WDR70: variants seen among roughly 807,000 people sequenced by gnomAD.
WDR70 encodes the protein WD repeat-containing protein 70.
A neutral mutation model predicts 88.6 loss-of-function variants in WDR70; 53 were observed. The ratio of observed to expected loss-of-function variants is 0.60; its 90% CI spans 0.48 to 0.75. The LOEUF (loss-of-function observed/expected upper bound fraction) is 0.75. Among genes scored for constraint, WDR70 ranks in the 30% least tolerant of loss-of-function variants. WDR70 has a pLI of 0.00. For synonymous variants in WDR70, 280 were observed against 270.0 expected, an observed-to-expected ratio of 1.04 and a Z score of -0.36; for missense variants, 610 against 823.2, an observed-to-expected ratio of 0.74 and a Z score of 3.17.
intron 10 of WDR70, among the ~76,000 whole-genome samples, chr5:37,633,457 C>T (rs540619604): frequency 9.9e-5 from 15 of 150,928 alleles, no homozygotes; most frequent in East Asian, 3.9e-4. Flanking sequence ...TGAGTTTAAA[C>T]GGCCATAACT....
At chr5:37,510,488 G>A (rs1040377989) in intron 8 of WDR70, among the ~76,000 whole-genome samples, 2 of 152,158 alleles carry the variant, frequency 1.3e-5, no homozygotes, top group Non-Finnish European at 2.9e-5. Context: ...TTAAGAGACA[G>A]GGTCTTGCTT....
chr5:37,523,435 A>G (rs1462464098), intron 9 of WDR70, among the ~76,000 whole-genome samples: 2 of 152,232 alleles, frequency 1.3e-5, no homozygotes, highest in Non-Finnish European at 2.9e-5. Context: ...TGTTAGAGGG[A>G]AAACTAACAA....
intron 8 of WDR70, among the ~76,000 whole-genome samples, chr5:37,516,145 T>C (rs2112256211): frequency 6.6e-6 from 1 of 152,340 alleles, no homozygotes; most frequent in African/African-American, 2.4e-5. Flanking sequence ...TCTCTTCCAT[T>C]GAAGAAAGGA....
rs952637754 is a variant in WDR70, at chr5:37,410,193, G to GTTT, written c.492+13642_492+13644dup. The stretch of plus-strand genomic sequence containing the variant: ...AGTCCACCCAGCTTGGAGTTTGTTA[G>GTTT]TTTTTTTTTTTTTTTTTTTTTCTTT... On this transcript the variant is annotated intron_variant, in intron 5 of 17. Transcript: ENST00000265107. Among the ~76,000 whole-genome samples, 57 of 119,446 alleles carry GTTT rather than the reference G, an allele frequency of 4.8e-4. 1 individual carries two copies. The highest frequency in any genetic ancestry group is 5.6e-4 in the African/African-American group (18 of 32,184). 78.4% of individuals were successfully genotyped at this position (119,446 alleles called of 152,430 possible).
chr5:37,577,414 C>T (rs72738787), intron 9 of WDR70, among the ~76,000 whole-genome samples: 4,661 of 151,992 alleles, frequency 0.031, 111 homozygotes, highest in Middle Eastern at 0.1. Context: ...CCTAGGAGTT[C>T]GAGGTTGTAG....
At chr5:37,554,283 T>A (rs2112356228) in intron 9 of WDR70, among the ~76,000 whole-genome samples, 1 of 152,206 alleles carries the variant, frequency 6.6e-6, no homozygotes, top group South Asian at 2.1e-4. Context: ...GTAATCTTGG[T>A]CATAGGCCAG....
At position 37,701,149 on chromosome 5, in the gene WDR70, A is replaced by G. The variant is rs1747150713; in HGVS notation, c.1277+7A>G. 1.3e-6 allele frequency: 2 copies of G among 1,564,550 alleles called. No homozygotes were observed. Among genetic ancestry groups the G allele is most frequent in the African/African-American group, 1.4e-5 (1 of 73,926 alleles). ...TTCCCACCATGTTCCCAATGTAAGT[A>G]GCATATTTTAAATATTTGATCAGCA... On this transcript the variant is annotated splice_region_variant and intron_variant, in intron 12 of 17. Coordinates refer to ENST00000265107, the MANE Select transcript of WDR70 (RefSeq NM_018034.4).
intron 10 of WDR70, among the ~76,000 whole-genome samples, chr5:37,666,607 T>C (rs527405515): frequency 2.1e-4 from 32 of 152,322 alleles, no homozygotes; most frequent in African/African-American, 7.2e-4. Context: ...CACATTCAGA[T>C]TCCGTTGGTG....
chr5:37,618,530 T>C (rs896314094), intron 10 of WDR70, among the ~76,000 whole-genome samples: 2 of 152,078 alleles, frequency 1.3e-5, no homozygotes, highest in African/African-American at 4.8e-5. Context: ...TCACCACGCC[T>C]GGCTAATTTT....
At chr5:37,710,499 G>A (rs1311603682) in intron 13 of WDR70, among the ~76,000 whole-genome samples, 1 of 152,178 alleles carries the variant, frequency 6.6e-6, no homozygotes, top group Non-Finnish European at 1.5e-5. Flanking sequence ...TTTCGTGGAA[G>A]ACAATATTTC....
chr5:37,549,019 G>C (rs918370470), intron 9 of WDR70, among the ~76,000 whole-genome samples: 2 of 152,140 alleles, frequency 1.3e-5, no homozygotes, highest in Non-Finnish European at 2.9e-5. Context: ...TTTTAGGCCA[G>C]TACCATGCTG....
chr5:37,625,218 G>T (rs184839499), intron 10 of WDR70, among the ~76,000 whole-genome samples: 2 of 152,228 alleles, frequency 1.3e-5, no homozygotes, highest in African/African-American at 4.8e-5. Context: ...AGCCTTGCTG[G>T]ATCATGTGGT....
chr5:37,523,291 G>A (rs968629802), intron 9 of WDR70, among the ~76,000 whole-genome samples: 6 of 152,222 alleles, frequency 3.9e-5, no homozygotes, highest in Non-Finnish European at 5.9e-5. Context: ...GCTTCCAGAG[G>A]AACGATCAGG....
chr5:37,435,182 A>T (rs1394423240), intron 5 of WDR70, among the ~76,000 whole-genome samples: 1 of 152,226 alleles, frequency 6.6e-6, no homozygotes, highest in Non-Finnish European at 1.5e-5. Context: ...TTGTCTATAT[A>T]TAGGCACATT....
At chr5:37,485,646 TAATG>T (rs1179560111) in intron 8 of WDR70, among the ~76,000 whole-genome samples, 1 of 152,122 alleles carries the variant, frequency 6.6e-6, no homozygotes, top group Non-Finnish European at 1.5e-5. Flanking sequence ...AGTTCAATGT[TAATG>T]AATGAACAAT....
chr5:37,484,203 C>A (rs537245792), intron 8 of WDR70, among the ~76,000 whole-genome samples: 1 of 152,214 alleles, frequency 6.6e-6, no homozygotes, highest in Non-Finnish European at 1.5e-5. Flanking sequence ...CCAAGGCAGG[C>A]GGCTGGGAGG....
chr5:37,382,643 C>G (rs1748466541), intron 3 of WDR70, among the ~76,000 whole-genome samples: 1 of 152,062 alleles, frequency 6.6e-6, no homozygotes. Context: ...ATCTCTTGAT[C>G]TTGTGATCTG....
chr5:37,705,304 T>C (rs1190723136), intron 13 of WDR70, among the ~76,000 whole-genome samples: 1 of 152,122 alleles, frequency 6.6e-6, no homozygotes, highest in Non-Finnish European at 1.5e-5. Context: ...CTAAGAAATG[T>C]CATCATTTAA....
At chr5:37,461,756 T>C (rs1739013737) in intron 7 of WDR70, among the ~76,000 whole-genome samples, 1 of 152,192 alleles carries the variant, frequency 6.6e-6, no homozygotes, top group African/African-American at 2.4e-5. Context: ...GTGCTGGGAT[T>C]ACAGGCGTGA....
Sources: allele counts gnomAD v4.1 joint callset (sites outside exome capture counted in the v4.1 genomes callset), GRCh38; gene constraint gnomAD v4.1.1; transcripts MANE v1.5; gene names NCBI Gene and HGNC (gene_info 2026-07-23, HGNC 2026-07-21).